Variants in ZNF821 observed in about 807,000 individuals in gnomAD.
ZNF821 encodes zinc finger protein 821.
ZNF821 carries 16 observed loss-of-function variants against 44.3 expected under a neutral mutation model. The ratio of observed to expected loss-of-function variants is 0.36; its 90% CI spans 0.24 to 0.55. The LOEUF (loss-of-function observed/expected upper bound fraction) is 0.55, where lower values mean the gene tolerates loss of function less well. ZNF821 is among the 20% of genes least tolerant of loss of function. The pLI, the probability that ZNF821 is intolerant of heterozygous loss-of-function variation, is 0.86. For synonymous variants in ZNF821, 204 were observed against 197.6 expected (o/e 1.03, Z -0.27); for missense variants, 436 against 547.6 (o/e 0.80, Z 2.03).
Position 71,860,700 on chromosome 16 carries a change from G to A in ZNF821, c.585-28C>T. 6.2e-7 allele frequency: 1 copy of A among 1,600,232 alleles called. No homozygotes were observed. Among genetic ancestry groups the A allele is most frequent in the Non-Finnish European group, 8.5e-7 (1 of 1,174,740 alleles). On this transcript the variant is annotated intron_variant, in intron 7 of 7. Transcript: ENST00000425432. This position sits in a 1 kb window ranked among gnomAD's most constrained non-coding sequence, Gnocchi z 7.3. ...GGAAAGGAAACATTTTGGATGGTTA[G>A]TGTTTCCTTCTAGCAAGAGTCGGGA...
chr16:71,864,217 G>A lies in ZNF821; in HGVS notation c.338C>T (p.Pro113Leu). The A allele has an allele frequency of 6.2e-7, 1 of 1,614,170 alleles. No individual in the cohort carries two copies. The highest frequency in any genetic ancestry group is 8.5e-7 in the Non-Finnish European group (1 of 1,180,036). The change falls in exon 6 of 8, where the codon CCC becomes CTC. Residue 113 changes from proline to leucine, a missense_variant. Coordinates refer to ENST00000425432, the MANE Select transcript of ZNF821 (RefSeq NM_001201552.2). ...GGGACACTGGCAGAGTTCAAGCAAG[G>A]GGTCAGAATTCAAATTCCCTGTGAC... ...HEVTGNLNSD[P>L]LLELCQCPLC... is the part of the protein sequence containing the mutation.
At chr16:71,874,246 G>A (rs1202434723) in intron 3 of ZNF821, among the ~76,000 whole-genome samples, 1 of 152,036 alleles carries the variant, frequency 6.6e-6, no homozygotes, top group Non-Finnish European at 1.5e-5. Context: ...ACAGGCATGA[G>A]CCACTGAGCC....
chr16:71,887,553 G>A (rs1233884831), upstream of ZNF821, among the ~76,000 whole-genome samples: 3 of 152,132 alleles, frequency 2.0e-5, no homozygotes, highest in Non-Finnish European at 2.9e-5. Context: ...GAGCCATCGC[G>A]CGCAGCCCTC....
At chr16:71,887,776 G>T (rs1388826171), upstream of ZNF821, among the ~76,000 whole-genome samples, 1 of 151,410 alleles carries the variant, frequency 6.6e-6, no homozygotes, top group African/African-American at 2.4e-5. Context: ...TAAGGATGTT[G>T]AATATTTTTT....
At position 71,892,289 on chromosome 16, in the gene ZNF821, CAG is replaced by C. The variant is rs1209443723; in HGVS notation, n.448+2598_448+2599del. Among the ~76,000 whole-genome samples, 12 of 144,354 alleles carry C rather than the reference CAG, an allele frequency of 8.3e-5. No individual in the cohort carries two copies. The East Asian group carries it at 1.1e-3, about 14-fold the overall frequency. The allele number at this position is 144,354 out of a possible 152,430, so 94.7% of individuals were successfully genotyped here. A position where few individuals can be genotyped will look rare whatever the true frequency, so the allele number is the denominator to read the frequency against. On this transcript the variant is annotated intron_variant and non_coding_transcript_variant, in intron 1 of 2. Transcript: ENST00000561700. ...GCTTATCTTTTTTCAGTCTGTGAGA[CAG>C]AGTCTCCCTCTGTCACCCAGGCTGG...
intron 1 of ZNF821, among the ~76,000 whole-genome samples, chr16:71,892,148 A>C (rs1289880948): frequency 8.7e-6 from 1 of 114,292 alleles, no homozygotes. Context: ...ATTGCACTCC[A>C]GCCTGGGCAA....
exon 1 of ZNF821, chr16:71,894,920 T>C (rs1348435195): frequency 8.5e-7 from 1 of 1,175,432 alleles, no homozygotes; most frequent in Non-Finnish European, 1.2e-6. Context: ...CCAGAGACTG[T>C]GGTGCTGAGG....
At chr16:71,895,190 T>C (rs1222015679) in exon 1 of ZNF821, 1 of 206,672 alleles carries the variant, frequency 4.8e-6, no homozygotes, top group East Asian at 1.4e-4. Context: ...TATGGAAGAA[T>C]CCGGAACCAA....
At chr16:71,864,852 C>A in intron 5 of ZNF821, 51 bp downstream of exon 5, 1 of 1,607,442 alleles carries the variant, frequency 6.2e-7, no homozygotes, top group Non-Finnish European at 8.5e-7. Context: ...TCAGGGCAGG[C>A]AGAAGGGTAG....
chr16:71,884,665 T>C (rs1292573710), upstream of ZNF821: 6 of 152,072 alleles, frequency 3.9e-5, no homozygotes, highest in African/African-American at 1.2e-4. Context: ...CCACGGGCCT[T>C]GGTGGGAGGG....
intron 1 of ZNF821, chr16:71,894,789 C>G: frequency 6.8e-7 from 1 of 1,478,446 alleles, no homozygotes; most frequent in Non-Finnish European, 9.1e-7. Context: ...TCCCGCCCCG[C>G]CTCTCAAAGT....
At chr16:71,891,342 C>T (rs1487295159) in intron 1 of ZNF821, 1 of 152,198 alleles carries the variant, frequency 6.6e-6, no homozygotes, top group African/African-American at 2.4e-5. Context: ...GTTTATTTTT[C>T]AGTATGTTTA....
intron 1 of ZNF821, chr16:71,894,250 G>T (rs1324257002): frequency 6.6e-6 from 1 of 151,782 alleles, no homozygotes; most frequent in African/African-American, 2.4e-5. Context: ...CCTTCTGGAG[G>T]CCCCTTTTTC....
chr16:71,880,061 TC>T, intron 2 of ZNF821, 38 bp from the exon 3 acceptor site: 1 of 951,048 alleles, frequency 1.1e-6, no homozygotes, highest in Non-Finnish European at 1.5e-6. Context: ...CATGTCATTT[TC>T]CCCAGCAGTT....
chr16:71,869,196 G>A (rs554053008), intron 3 of ZNF821, among the ~76,000 whole-genome samples: 12 of 152,322 alleles, frequency 7.9e-5, no homozygotes, highest in Non-Finnish European at 1.3e-4. Context: ...GACAGCAAGA[G>A]GGAATAATAA....
At chr16:71,888,589 A>G (rs1300960131), upstream of ZNF821, among the ~76,000 whole-genome samples, 2 of 152,138 alleles carry the variant, frequency 1.3e-5, no homozygotes, top group Non-Finnish European at 2.9e-5. Flanking sequence ...TTATAAATGC[A>G]TGGGTTTATT....
chr16:71,883,067 C>T (rs577433665), intron 2 of ZNF821, 144 bp downstream of exon 2: 5 of 455,914 alleles, frequency 1.1e-5, no homozygotes, highest in African/African-American at 1.0e-4. Flanking sequence ...GTTAAGAGTC[C>T]TCGGGAAGGT....
chr16:71,879,929 C>T lies in ZNF821; in HGVS notation c.18G>A (p.Gln6=), dbSNP rs773827217. 1 of 1,613,620 alleles carries T rather than the reference C, an allele frequency of 6.2e-7. No individual in the cohort carries two copies. Among genetic ancestry groups the T allele is most frequent in the South Asian group, 1.1e-5 (1 of 90,958 alleles). MSRRK[Q]TNPNKVHWDQ... is the part of the protein sequence containing the mutation. Reference sequence around the variant, plus strand: ...CACAGTGAACTTTATTTGGATTTGTCTGTTTCCGACGGGACATGTTTCCCT... The same window carrying T: ...CACAGTGAACTTTATTTGGATTTGTTTGTTTCCGACGGGACATGTTTCCCT... The change falls in exon 3 of 8, where the codon CAG becomes CAA. Residue 6 remains glutamine (Q), a synonymous_variant. Coordinates refer to ENST00000425432, the MANE Select transcript of ZNF821 (RefSeq NM_001201552.2).
intron 6 of ZNF821, among the ~76,000 whole-genome samples, chr16:71,863,088 GT>G (rs2142352889): frequency 6.6e-6 from 1 of 152,022 alleles, no homozygotes; most frequent in East Asian, 1.9e-4. Flanking sequence ...TAGAGACAGG[GT>G]TTCACCATGT....
Sources: allele counts gnomAD v4.1 joint callset (sites outside exome capture counted in the v4.1 genomes callset), GRCh38; gene constraint gnomAD v4.1.1; non-coding constraint Gnocchi (gnomAD v3.1); transcripts MANE v1.5; gene names NCBI Gene and HGNC (gene_info 2026-07-23, HGNC 2026-07-21).